Variants in SORCS2 observed in about 807,000 individuals in gnomAD.
SORCS2 encodes VPS10 domain-containing receptor SorCS2.
Under a neutral mutation model 141.6 loss-of-function variants are expected in SORCS2, and 100 were observed. That is an observed-to-expected ratio of 0.71 (90% CI 0.60 to 0.83). SORCS2 has a LOEUF of 0.83. Among genes scored for constraint, SORCS2 ranks in the 40% least tolerant of loss-of-function variants. The pLI, the probability that SORCS2 is intolerant of heterozygous loss-of-function variation, is 0.00. For synonymous variants in SORCS2, 789 were observed against 676.9 expected (o/e 1.17, Z -2.57); for missense variants, 1,646 against 1,560.2 (o/e 1.05, Z -0.93).
At chr4:7,526,105 A>G (rs1733680157) in intron 2 of SORCS2, among the ~76,000 whole-genome samples, 1 of 152,228 alleles carries the variant, frequency 6.6e-6, no homozygotes, top group African/African-American at 2.4e-5. Flanking sequence ...AGCAGTAATG[A>G]TGAGCCCTGC....
intron 1 of SORCS2, among the ~76,000 whole-genome samples, chr4:7,290,796 TTTCA>T (rs3031021): frequency 5.3e-5 from 8 of 151,246 alleles, no homozygotes; most frequent in Non-Finnish European, 7.4e-5. Context: ...GGCTGCATTC[TTTCA>T]TTCATTCATT....
At chr4:7,513,716 A>G (rs527607597) in intron 2 of SORCS2, among the ~76,000 whole-genome samples, 4 of 152,132 alleles carry the variant, frequency 2.6e-5, no homozygotes, top group Non-Finnish European at 5.9e-5. Flanking sequence ...GGAACAATCA[A>G]TTCTGCCTGC....
chr4:7,266,980 G>A (rs1393261368), intron 1 of SORCS2, among the ~76,000 whole-genome samples: 2 of 152,160 alleles, frequency 1.3e-5, no homozygotes, highest in Admixed American at 1.3e-4. Context: ...GGGGGGTGGG[G>A]GAGGTGTGGC....
intron 1 of SORCS2, among the ~76,000 whole-genome samples, chr4:7,210,180 G>A (rs4292334): frequency 0.31 from 46,635 of 152,122 alleles, 7,799 homozygotes; most frequent in Non-Finnish European, 0.37. Context: ...GGGTGGGGAC[G>A]TTTGTGGATA....
At chr4:7,527,938 T>C (rs78790049) in intron 2 of SORCS2, among the ~76,000 whole-genome samples, 4,415 of 152,124 alleles carry the variant, frequency 0.029, 212 homozygotes, top group African/African-American at 0.1. Context: ...AGTTTGATGT[T>C]CCCCTTAGCG....
intron 1 of SORCS2, among the ~76,000 whole-genome samples, chr4:7,369,638 C>T (rs975200086): frequency 3.3e-5 from 5 of 152,170 alleles, no homozygotes; most frequent in East Asian, 1.9e-4. Context: ...CAGCAGGACT[C>T]GGGGAGTGGC....
intron 2 of SORCS2, among the ~76,000 whole-genome samples, chr4:7,428,397 C>T (rs942469263): frequency 6.6e-6 from 1 of 152,192 alleles, no homozygotes; most frequent in Non-Finnish European, 1.5e-5. Flanking sequence ...GTCTTGGTGA[C>T]AGGACTGTGG....
intron 1 of SORCS2, among the ~76,000 whole-genome samples, chr4:7,388,342 G>A (rs567603398): frequency 6.6e-6 from 1 of 152,212 alleles, no homozygotes; most frequent in African/African-American, 2.4e-5. Context: ...AGCTGGTCCT[G>A]GGTGGTTTTG....
At chr4:7,351,932 C>G (rs2109007711) in intron 1 of SORCS2, among the ~76,000 whole-genome samples, 1 of 152,290 alleles carries the variant, frequency 6.6e-6, no homozygotes, top group African/African-American at 2.4e-5. Context: ...AGCCACTCAT[C>G]TATCCATTCA....
intron 1 of SORCS2, among the ~76,000 whole-genome samples, chr4:7,367,820 G>A (rs189280526): frequency 1.5e-4 from 23 of 152,334 alleles, no homozygotes; most frequent in Admixed American, 1.4e-3. Context: ...AATGTTCTCC[G>A]AGTGTAAAGA....
rs770582804 is a variant in SORCS2, at chr4:7,712,745, C to G, written c.1881C>G (p.His627Gln). The G allele has an allele frequency of 3.1e-6, 5 of 1,614,020 alleles. No homozygotes were observed. The highest frequency in any genetic ancestry group is 4.2e-6 in the Non-Finnish European group (5 of 1,179,884). ...DETLVMTVFGHISFRSDWELV... is the reference protein window; with the variant it reads ...DETLVMTVFGQISFRSDWELV... ...CTTCCCACCCCAGGGTCTTTGGCCA[C>G]ATCAGCTTCCGCTCCGATTGGGAGC... The change falls in exon 15 of 27, where the codon CAC (histidine) becomes CAG (glutamine). Residue 627 changes from histidine (H) to glutamine (Q), a missense_variant. Coordinates refer to ENST00000507866, the MANE Select transcript of SORCS2 (RefSeq NM_020777.3).
intron 3 of SORCS2, among the ~76,000 whole-genome samples, chr4:7,570,897 A>C (rs1199150193): frequency 2.0e-5 from 3 of 152,112 alleles, no homozygotes; most frequent in African/African-American, 4.8e-5. Flanking sequence ...GTCATCCAAC[A>C]AGCTGGGGGA....
At chr4:7,324,880 G>T (rs1719140678) in intron 1 of SORCS2, among the ~76,000 whole-genome samples, 1 of 152,216 alleles carries the variant, frequency 6.6e-6, no homozygotes, top group South Asian at 2.1e-4. Context: ...CCCAGTCGAT[G>T]CTGCTGGTGG....
intron 2 of SORCS2, chr4:7,433,922 C>A: frequency 6.2e-7 from 1 of 1,613,848 alleles, no homozygotes; most frequent in Non-Finnish European, 8.5e-7. Flanking sequence ...CGCTCCAGGG[C>A]ATGGGTGATC....
At chr4:7,327,832 T>C (rs1719377517) in intron 1 of SORCS2, among the ~76,000 whole-genome samples, 1 of 151,142 alleles carries the variant, frequency 6.6e-6, no homozygotes, top group African/African-American at 2.4e-5. Flanking sequence ...CCGGCAACGT[T>C]GCTTTGGCTG....
At chr4:7,636,053 G>T (rs906493420) in intron 3 of SORCS2, among the ~76,000 whole-genome samples, 1 of 152,186 alleles carries the variant, frequency 6.6e-6, no homozygotes, top group Non-Finnish European at 1.5e-5. Context: ...CACCATAGTC[G>T]CCTCGTGCCA....
chr4:7,606,761 G>C (rs989634977), intron 3 of SORCS2, among the ~76,000 whole-genome samples: 12 of 152,048 alleles, frequency 7.9e-5, no homozygotes, highest in African/African-American at 2.9e-4. Flanking sequence ...TTCAAGCAGA[G>C]GAGGGTGGGT....
At chr4:7,372,469 G>T (rs1409830948) in intron 1 of SORCS2, among the ~76,000 whole-genome samples, 1 of 152,008 alleles carries the variant, frequency 6.6e-6, no homozygotes, top group African/African-American at 2.4e-5. Flanking sequence ...ACCACGCCTG[G>T]CTAATTTTTT....
intron 3 of SORCS2, among the ~76,000 whole-genome samples, chr4:7,568,242 C>T (rs976092391): frequency 1.2e-4 from 19 of 152,190 alleles, no homozygotes; most frequent in African/African-American, 4.6e-4. Flanking sequence ...CTAGGCCAAA[C>T]AAGAAACAAC....
Sources: gnomAD v4.1 joint callset for allele counts (sites outside exome capture counted in the v4.1 genomes callset) on GRCh38, gnomAD v4.1.1 for gene constraint, MANE v1.5 for transcripts, NCBI Gene and HGNC (gene_info 2026-07-23, HGNC 2026-07-21) for gene names.